Variants in DCDC2C observed in about 807,000 individuals in gnomAD.
DCDC2C encodes doublecortin domain containing 2C.
A neutral mutation model predicts 45.0 loss-of-function variants in DCDC2C; 44 were observed. The observed-to-expected ratio is 0.98, with a 90% CI of 0.77 to 1.26. The LOEUF (loss-of-function observed/expected upper bound fraction) is 1.26. DCDC2C is among the 50% of genes most tolerant of loss of function. The probability of loss-of-function intolerance (pLI) is 0.00; values close to 1 mark genes in which losing one functional copy is unlikely to be tolerated. For synonymous variants in DCDC2C, 187 were observed against 178.8 expected (o/e 1.05, Z -0.37); for missense variants, 447 against 468.9 (o/e 0.95, Z 0.43).
At chr2:3,732,420 G>A (rs533483308) in intron 3 of DCDC2C, among the ~76,000 whole-genome samples, 33 of 152,076 alleles carry the variant, frequency 2.2e-4, no homozygotes, top group African/African-American at 7.0e-4. Flanking sequence ...TCATATCTAT[G>A]TATATATGAT....
chr2:3,754,023 C>G (rs1669615885), intron 5 of DCDC2C, among the ~76,000 whole-genome samples: 1 of 152,136 alleles, frequency 6.6e-6, no homozygotes, highest in Non-Finnish European at 1.5e-5. Flanking sequence ...TATCTGCCCC[C>G]TACGTGTTTC....
chr2:3,703,870 C>T lies in DCDC2C; in HGVS notation c.119C>T (p.Ala40Val). The part of the protein sequence containing the change: ...GKKFVLSRRR[A>V]ATFEALLEQL... ...AAGTTCGTGCTGTCGCGGCGCCGCG[C>T]GGCCACCTTCGAGGCGCTGCTGGAG... is the stretch of plus-strand genomic sequence containing the variant. Residue 40 changes from alanine (A) to valine (V), a missense_variant, in exon 1 of 11, where the codon GCG (alanine) becomes GTG (valine). Coordinates refer to ENST00000399143, the MANE Select transcript of DCDC2C (RefSeq NM_001287444.2). This position sits in a 1 kb window ranked among gnomAD's most constrained non-coding sequence, Gnocchi z 4.4. The T allele has an allele frequency of 2.3e-6, 3 of 1,294,038 alleles. No individual in the cohort carries two copies. The highest frequency in any genetic ancestry group is 3.0e-6 in the Non-Finnish European group (3 of 1,016,266). 80.2% of individuals were successfully genotyped at this position (1,294,038 alleles called of 1,614,324 possible). A position where few individuals can be genotyped will look rare whatever the true frequency, so the allele number is the denominator to read the frequency against.
At position 3,737,327 on chromosome 2, in the gene DCDC2C, C is replaced by T. The variant is rs202152877; in HGVS notation, c.417-4593C>T. ...CTGGTTCTTGAGAGCAAGCATTAGG[C>T]GACCTTCACCCCAGGATGAGGGGAG... On this transcript the variant is annotated intron_variant, in intron 3 of 10. Coordinates refer to ENST00000399143, the MANE Select transcript of DCDC2C (RefSeq NM_001287444.2). Among the ~76,000 whole-genome samples, 7 of 152,198 alleles carry T rather than the reference C, an allele frequency of 4.6e-5. No homozygotes were observed. In the East Asian group the frequency reaches 5.8e-4, roughly 13 times the overall value.
At chr2:3,803,863 C>T (rs996500196) in intron 10 of DCDC2C, among the ~76,000 whole-genome samples, 1 of 152,214 alleles carries the variant, frequency 6.6e-6, no homozygotes, top group African/African-American at 2.4e-5. Context: ...CCTGGCTTTG[C>T]ACTCTTCTGA....
At chr2:3,840,909 T>G (rs1672198295) in intron 10 of DCDC2C, among the ~76,000 whole-genome samples, 1 of 152,154 alleles carries the variant, frequency 6.6e-6, no homozygotes, top group South Asian at 2.1e-4. Context: ...CAGGCAGCCT[T>G]CCCCATGTGC....
At chr2:3,756,853 G>T (rs1669734119) in intron 6 of DCDC2C, among the ~76,000 whole-genome samples, 1 of 152,140 alleles carries the variant, frequency 6.6e-6, no homozygotes, top group African/African-American at 2.4e-5. Context: ...CTTCTGAATT[G>T]ACTCTTATTA....
At chr2:3,792,694 G>A (rs1311788397) in intron 10 of DCDC2C, among the ~76,000 whole-genome samples, 2 of 152,064 alleles carry the variant, frequency 1.3e-5, no homozygotes, top group Non-Finnish European at 2.9e-5. Flanking sequence ...ATCCTTATTG[G>A]CTGCTTACAC....
intron 10 of DCDC2C, among the ~76,000 whole-genome samples, chr2:3,839,653 T>C (rs1672160911): frequency 6.6e-6 from 1 of 152,184 alleles, no homozygotes; most frequent in Non-Finnish European, 1.5e-5. Context: ...TGCTCCAATT[T>C]TCAGATTTCC....
chr2:3,814,528 G>C (rs753380542), intron 10 of DCDC2C, among the ~76,000 whole-genome samples: 52 of 152,204 alleles, frequency 3.4e-4, no homozygotes, highest in Non-Finnish European at 7.1e-4. Flanking sequence ...TCGTCCATCT[G>C]ATCATCCTCC....
intron 8 of DCDC2C, among the ~76,000 whole-genome samples, chr2:3,778,181 C>T (rs58891328): frequency 0.11 from 17,478 of 152,136 alleles, 1,187 homozygotes; most frequent in East Asian, 0.29. Flanking sequence ...GCTGTGTGGA[C>T]GGGACTCCTC....
chr2:3,802,216 C>T (rs10174064), intron 10 of DCDC2C, among the ~76,000 whole-genome samples: 32,753 of 152,180 alleles, frequency 0.22, 3,710 homozygotes, highest in South Asian at 0.36. Context: ...TTTAGCCAAT[C>T]CTGGGGTTGC....
intron 10 of DCDC2C, among the ~76,000 whole-genome samples, chr2:3,827,392 G>A (rs192625997): frequency 1.3e-5 from 2 of 152,244 alleles, no homozygotes; most frequent in African/African-American, 4.8e-5. Context: ...AGAGGGTCAG[G>A]TGGTTCTCAG....
chr2:3,706,303 A>G (rs1259823958), intron 1 of DCDC2C, among the ~76,000 whole-genome samples: 2 of 152,176 alleles, frequency 1.3e-5, no homozygotes, highest in African/African-American at 4.8e-5. Context: ...TAAAAAGACA[A>G]ACACCAACAA....
chr2:3,823,396 T>C (rs1240787531), intron 10 of DCDC2C, among the ~76,000 whole-genome samples: 1 of 152,214 alleles, frequency 6.6e-6, no homozygotes, highest in Non-Finnish European at 1.5e-5. Flanking sequence ...TAATATTTGG[T>C]TTATCCTGAG....
chr2:3,760,428 C>T, intron 6 of DCDC2C, among the ~76,000 whole-genome samples: 1 of 152,154 alleles, frequency 6.6e-6, no homozygotes, highest in East Asian at 1.9e-4. Context: ...GGAACCAACC[C>T]AAATGCCCAT....
chr2:3,746,435 G>A (rs999994757), intron 4 of DCDC2C, among the ~76,000 whole-genome samples: 4 of 152,268 alleles, frequency 2.6e-5, no homozygotes, highest in East Asian at 1.9e-4. Context: ...AGTATGGAGC[G>A]GGGGACATGG....
chr2:3,813,254 T>C (rs573782791), intron 10 of DCDC2C, among the ~76,000 whole-genome samples: 2 of 151,882 alleles, frequency 1.3e-5, no homozygotes, highest in African/African-American at 4.8e-5. Context: ...TGTATTTTAA[T>C]AGAGATGGAG....
In DCDC2C at chr2:3,836,397, G is replaced by A. The variant is rs193123662; in HGVS notation, c.1066-10757G>A. Among the ~76,000 whole-genome samples, 54 of 152,324 alleles carry A rather than the reference G, an allele frequency of 3.5e-4. 1 individual carries two copies. In the East Asian group the frequency reaches 0.01, roughly 29 times the overall value. ...GAGACACAGTAACCAAATGCAGCATGCTGTCCTGGACTGGATCCTGGGGCA... is the reference window on the plus strand; with the variant it reads ...GAGACACAGTAACCAAATGCAGCATACTGTCCTGGACTGGATCCTGGGGCA... On this transcript the variant is annotated intron_variant, in intron 10 of 10. Transcript: ENST00000399143.
At position 3,733,894 on chromosome 2, in the gene DCDC2C, G is replaced by C. The variant is rs150383982; in HGVS notation, c.416+6815G>C. On this transcript the variant is annotated intron_variant, in intron 3 of 10. Transcript: ENST00000399143. ...TCTGGGACCTTGAAGTGCGAGCCAG[G>C]GCTGTGGTCCCAAGGCCTAGAAACC... Among the ~76,000 whole-genome samples, 473 of 152,324 alleles carry C rather than the reference G, an allele frequency of 3.1e-3. 1 individual carries two copies. Among genetic ancestry groups the C allele is most frequent in the African/African-American group, 0.011 (466 of 41,568 alleles).
Sources: gnomAD v4.1 joint callset for allele counts (sites outside exome capture counted in the v4.1 genomes callset) on GRCh38, gnomAD v4.1.1 for gene constraint, Gnocchi (gnomAD v3.1) non-coding constraint, MANE v1.5 for transcripts, NCBI Gene and HGNC (gene_info 2026-07-23, HGNC 2026-07-21) for gene names.